Variants in NBAS observed in about 807,000 individuals in gnomAD.
NBAS encodes the protein NAG/BC035112 fusion.
In NBAS, 219 loss-of-function variants were observed where a neutral mutation model predicts 302.5. That is an observed-to-expected ratio of 0.72 (90% CI 0.65 to 0.81). The LOEUF (loss-of-function observed/expected upper bound fraction) is 0.81. NBAS is among the 30% of genes least tolerant of loss of function. NBAS has a pLI of 0.00. For missense variants in NBAS, 2,932 were observed against 2,841.6 expected (o/e 1.03, Z -0.72); for synonymous variants, 1,118 against 1,021.6 (o/e 1.09, Z -1.80).
chr2:15,502,396 T>C (rs1661611437), intron 11 of NBAS, among the ~76,000 whole-genome samples: 1 of 152,192 alleles, frequency 6.6e-6, no homozygotes, highest in African/African-American at 2.4e-5. Context: ...GCAAAATGTG[T>C]CATTAGGTGA....
chr2:15,179,212 CGT>C (rs200044864), intron 50 of NBAS, 96 bp from the exon 51 acceptor site: 29,035 of 1,368,274 alleles, frequency 0.021, no homozygotes, highest in Middle Eastern at 0.028. Context: ...TCTGTGGTAG[CGT>C]GTGTGTGTGT....
At chr2:15,245,006 C>G (rs568616510) in intron 44 of NBAS, among the ~76,000 whole-genome samples, 2 of 152,246 alleles carry the variant, frequency 1.3e-5, no homozygotes, top group East Asian at 3.9e-4. Flanking sequence ...CTTGAGGAGA[C>G]CCCAAGTGGG....
At chr2:14,979,528 G>T in the NBAS span, among the ~76,000 whole-genome samples, 1 of 152,176 alleles carries the variant, frequency 6.6e-6, no homozygotes, top group East Asian at 1.9e-4. Flanking sequence ...GGAAATGGAG[G>T]TTCAGAGAAG....
At chr2:15,528,866 C>CAAA (rs67437705) in intron 9 of NBAS, among the ~76,000 whole-genome samples, 32,095 of 85,646 alleles carry the variant, frequency 0.37, 7,047 homozygotes, top group Non-Finnish European at 0.52. Flanking sequence ...GACTCCATCT[C>CAAA]AAAAAAAAAA....
the NBAS span, among the ~76,000 whole-genome samples, chr2:15,034,041 AGG>A: frequency 1.2e-5 from 1 of 86,392 alleles, no homozygotes; most frequent in African/African-American, 5.1e-5. Context: ...AGGAGGAAGG[AGG>A]AGGAGGAGGA....
At chr2:15,066,389 G>T in the NBAS span, among the ~76,000 whole-genome samples, 1 of 152,068 alleles carries the variant, frequency 6.6e-6, no homozygotes, top group African/African-American at 2.4e-5. Flanking sequence ...AACCAAAAAG[G>T]ATTAAGAAAA....
chr2:15,047,569 G>A, the NBAS span, among the ~76,000 whole-genome samples: 1 of 152,046 alleles, frequency 6.6e-6, no homozygotes, highest in African/African-American at 2.4e-5. Flanking sequence ...CTGGGCCCGT[G>A]CAAGTGAAGG....
At chr2:15,029,758 G>A in the NBAS span, among the ~76,000 whole-genome samples, 8 of 152,194 alleles carry the variant, frequency 5.3e-5, no homozygotes, top group Admixed American at 4.6e-4. Context: ...GGACAGAGAG[G>A]AGGTGGCAGA....
At chr2:14,979,141 C>A in the NBAS span, among the ~76,000 whole-genome samples, 1 of 152,086 alleles carries the variant, frequency 6.6e-6, no homozygotes, top group Non-Finnish European at 1.5e-5. Context: ...ATCCTCAGGG[C>A]GTGTTTGGAT....
At chr2:15,301,185 G>A (rs1048133848) in intron 40 of NBAS, among the ~76,000 whole-genome samples, 4 of 152,172 alleles carry the variant, frequency 2.6e-5, no homozygotes, top group Non-Finnish European at 5.9e-5. Flanking sequence ...AACAAAGCTT[G>A]AGCGGTCGCT....
At chr2:15,371,255 C>T (rs545922431) in intron 31 of NBAS, among the ~76,000 whole-genome samples, 1 of 152,234 alleles carries the variant, frequency 6.6e-6, no homozygotes, top group African/African-American at 2.4e-5. Context: ...CTAAGGCCTC[C>T]CCAGTCATGT....
the NBAS span, among the ~76,000 whole-genome samples, chr2:14,794,450 A>G: frequency 6.6e-6 from 1 of 152,206 alleles, no homozygotes; most frequent in Non-Finnish European, 1.5e-5. Flanking sequence ...AACTTTTAGC[A>G]TTTTATAACA....
At chr2:15,154,735 C>T in the NBAS span, among the ~76,000 whole-genome samples, 1 of 152,188 alleles carries the variant, frequency 6.6e-6, no homozygotes, top group Non-Finnish European at 1.5e-5. Flanking sequence ...TGATTACTGT[C>T]AGCCCCTCAG....
At chr2:15,121,550 T>C in the NBAS span, among the ~76,000 whole-genome samples, 2 of 152,142 alleles carry the variant, frequency 1.3e-5, no homozygotes, top group Non-Finnish European at 2.9e-5. Flanking sequence ...TCCAAGAACA[T>C]GAATGGGGAA....
intron 23 of NBAS, among the ~76,000 whole-genome samples, chr2:15,420,970 G>A (rs1490114765): frequency 1.3e-5 from 2 of 151,984 alleles, no homozygotes; most frequent in South Asian, 2.1e-4. Flanking sequence ...GGAAAGAGTG[G>A]TCCAAATAAA....
chr2:15,322,974 AT>A (rs1168882216), intron 38 of NBAS, among the ~76,000 whole-genome samples: 2 of 152,222 alleles, frequency 1.3e-5, no homozygotes, highest in Non-Finnish European at 2.9e-5. Context: ...ATATTAATAC[AT>A]TTTTTAATAT....
intron 40 of NBAS, among the ~76,000 whole-genome samples, chr2:15,295,382 T>C (rs1670500532): frequency 6.6e-6 from 1 of 152,178 alleles, no homozygotes; most frequent in East Asian, 1.9e-4. Context: ...ATGAATAAAA[T>C]GACACAGCAC....
At chr2:15,464,328 G>A (rs1679633320) in intron 19 of NBAS, among the ~76,000 whole-genome samples, 1 of 151,584 alleles carries the variant, frequency 6.6e-6, no homozygotes, top group Non-Finnish European at 1.5e-5. Context: ...GCCTTTTTTG[G>A]ACACTATTAG....
At chr2:14,919,014 G>A in the NBAS span, among the ~76,000 whole-genome samples, 5 of 152,078 alleles carry the variant, frequency 3.3e-5, no homozygotes, top group Non-Finnish European at 5.9e-5. Context: ...AAGACAACTG[G>A]GGAGATGGCA....
Sources: allele counts gnomAD v4.1 joint callset (sites outside exome capture counted in the v4.1 genomes callset), GRCh38; gene constraint gnomAD v4.1.1; transcripts MANE v1.5; gene names NCBI Gene and HGNC (gene_info 2026-07-23, HGNC 2026-07-21).